BCAS3: variants seen among roughly 807,000 people sequenced by gnomAD.
BCAS3 encodes BCAS3 microtubule associated cell migration factor.
A neutral mutation model predicts 116.1 loss-of-function variants in BCAS3; 53 were observed. The observed-to-expected ratio is 0.46, with a 90% confidence interval of 0.37 to 0.57. The LOEUF (loss-of-function observed/expected upper bound fraction) is 0.57, where lower values mean the gene tolerates loss of function less well. Ranked by LOEUF, BCAS3 falls within the 20% of genes least tolerant of loss-of-function variation. The pLI is 0.00. For missense variants in BCAS3, 917 were observed against 1,165.4 expected (o/e 0.79, Z 3.10); for synonymous variants, 391 against 408.2 (o/e 0.96, Z 0.51).
intron 14 of BCAS3, among the ~76,000 whole-genome samples, chr17:60,977,185 T>C (rs1169319979): frequency 6.6e-6 from 1 of 152,132 alleles, no homozygotes; most frequent in Non-Finnish European, 1.5e-5. Context: ...TAAGCTTTTA[T>C]TTTTTAGAGA....
intron 5 of BCAS3, among the ~76,000 whole-genome samples, chr17:60,731,915 A>AT (rs1259865907): frequency 6.6e-6 from 1 of 151,104 alleles, no homozygotes; most frequent in East Asian, 2.0e-4. Context: ...AGTAGCTGGG[A>AT]TTATAGGTGC....
intron 14 of BCAS3, among the ~76,000 whole-genome samples, chr17:60,972,444 CT>C (rs150860541): frequency 0.011 from 1,225 of 114,070 alleles, 13 homozygotes; most frequent in African/African-American, 0.039. Context: ...CTCACTTGGC[CT>C]TTTTTTTTTT....
rs2080752236 is a variant in BCAS3 at position 61,200,447 on chromosome 17, A to G, written c.2425+115883A>G. Among the ~76,000 whole-genome samples, 1 of 152,180 alleles carries G rather than the reference A, an allele frequency of 6.6e-6. No individual in the cohort carries two copies. The highest frequency in any genetic ancestry group is 2.4e-5 in the African/African-American group (1 of 41,442). ...TGGTAAAGGAGAGATTATTATTCTT[A>G]TTTCATAATAAAGGAACCTGAGCTT... On this transcript the variant is annotated intron_variant, in intron 22 of 23. Coordinates refer to ENST00000407086, the MANE Select transcript of BCAS3 (RefSeq NM_017679.5). This position sits in a 1 kb window ranked among gnomAD's most constrained non-coding sequence, Gnocchi z 5.1.
intron 13 of BCAS3, among the ~76,000 whole-genome samples, chr17:60,944,686 C>T (rs1177808880): frequency 6.6e-6 from 1 of 151,998 alleles, no homozygotes; most frequent in Non-Finnish European, 1.5e-5. Context: ...CCAAACGAGG[C>T]TTATCCCAAG....
At chr17:61,039,426 T>C (rs1246736191) in intron 18 of BCAS3, among the ~76,000 whole-genome samples, 1 of 145,568 alleles carries the variant, frequency 6.9e-6, no homozygotes, top group Non-Finnish European at 1.5e-5. Context: ...TGTGTGAACA[T>C]TTTTTTTTTT....
At chr17:60,763,538 G>A (rs1255739227) in intron 6 of BCAS3, among the ~76,000 whole-genome samples, 1 of 152,144 alleles carries the variant, frequency 6.6e-6, no homozygotes, top group African/African-American at 2.4e-5. Flanking sequence ...GCATCCCAGG[G>A]ATGAAGCCAA....
At chr17:60,782,773 AGATGGGGCTTCACCATGTTGGCCAG>A (rs2045945228) in intron 6 of BCAS3, among the ~76,000 whole-genome samples, 1 of 151,814 alleles carries the variant, frequency 6.6e-6, no homozygotes. Context: ...TTTTTAGTAG[AGATGGGGCTTCACCATGTTGGCCAG>A]GATGGTCTTG....
chr17:61,184,177 A>G (rs191527730), intron 22 of BCAS3, among the ~76,000 whole-genome samples: 2 of 152,182 alleles, frequency 1.3e-5, no homozygotes, highest in Non-Finnish European at 2.9e-5. Context: ...AGAAAATTTC[A>G]GTATTCACTA....
rs2081058494 is a variant in BCAS3, at chr17:61,205,303, C to T, written c.2425+120739C>T. On this transcript the variant is annotated intron_variant, in intron 22 of 23. Transcript: ENST00000407086. This position sits in a 1 kb window ranked among gnomAD's most constrained non-coding sequence, Gnocchi z 5.2. ...ATGTTTTAGGAAGGAAAACTGGTTA[C>T]ATTTCAGCATATACAGCTGGACTTC... 6.6e-6 allele frequency among the ~76,000 whole-genome samples: 1 copy of T among 152,198 alleles called. No homozygotes were observed. Among genetic ancestry groups the T allele is most frequent in the Non-Finnish European group, 1.5e-5 (1 of 68,040 alleles).
rs2073240388 is a variant in BCAS3 at position 61,088,193 on chromosome 17, A to G, written c.2425+3629A>G. On this transcript the variant is annotated intron_variant, in intron 22 of 23. Coordinates refer to ENST00000407086, the MANE Select transcript of BCAS3 (RefSeq NM_017679.5). This position sits in a 1 kb window ranked among gnomAD's most constrained non-coding sequence, Gnocchi z 4.2. ...CAAGGCTCTGTCTCAAAAAGACAAA[A>G]CAAAACGAAACAAAACAAAAACCAT... Among the ~76,000 whole-genome samples the G allele has an allele frequency of 6.6e-6, 1 of 152,190 alleles. No individual in the cohort carries two copies. The highest frequency in any genetic ancestry group is 1.5e-5 in the Non-Finnish European group (1 of 68,036).
At chr17:61,206,248 C>T (rs1410522066) in intron 22 of BCAS3, among the ~76,000 whole-genome samples, 1 of 152,150 alleles carries the variant, frequency 6.6e-6, no homozygotes, top group Non-Finnish European at 1.5e-5. Flanking sequence ...CCTAATTAAA[C>T]ACAGTGGAAC....
chr17:60,996,474 A>G (rs1313394795), intron 15 of BCAS3, among the ~76,000 whole-genome samples: 1 of 152,196 alleles, frequency 6.6e-6, no homozygotes, highest in Non-Finnish European at 1.5e-5. Flanking sequence ...TTTTAACCTA[A>G]ACATCTAGAA....
At chr17:61,268,890 C>T (rs775045107) in intron 22 of BCAS3, among the ~76,000 whole-genome samples, 5 of 151,966 alleles carry the variant, frequency 3.3e-5, no homozygotes, top group African/African-American at 4.8e-5. Flanking sequence ...GCTTATTTCA[C>T]CTAGCATGAT....
At chr17:60,722,548 G>A (rs149052568) in intron 5 of BCAS3, among the ~76,000 whole-genome samples, 7,180 of 151,642 alleles carry the variant, frequency 0.047, 283 homozygotes, top group African/African-American at 0.11. Flanking sequence ...AGATCACGAC[G>A]TCAAGAGATC....
intron 7 of BCAS3, among the ~76,000 whole-genome samples, chr17:60,864,707 A>T (rs774307654): frequency 1.3e-5 from 2 of 152,188 alleles, no homozygotes; most frequent in Non-Finnish European, 2.9e-5. Flanking sequence ...GATGTGGTGT[A>T]AGAGGTCTGG....
rs182467863 is a variant in BCAS3, at chr17:61,279,720, G to A, written c.2426-88607G>A. ...GACCACAAACCATGTTTAAAATAGT[G>A]GGCTAAGCCACTGGGCCTCCATGGT... On this transcript the variant is annotated intron_variant, in intron 22 of 23. Coordinates refer to ENST00000407086, the MANE Select transcript of BCAS3 (RefSeq NM_017679.5). This position sits in a 1 kb window ranked among gnomAD's most constrained non-coding sequence, Gnocchi z 4.4. 6.6e-6 allele frequency among the ~76,000 whole-genome samples: 1 copy of A among 151,686 alleles called. No individual in the cohort carries two copies. The highest frequency in any genetic ancestry group is 6.6e-5 in the Admixed American group (1 of 15,240).
At chr17:60,706,223 C>T (rs776755847) in intron 4 of BCAS3, among the ~76,000 whole-genome samples, 11 of 152,052 alleles carry the variant, frequency 7.2e-5, no homozygotes, top group South Asian at 2.1e-4. Flanking sequence ...CCACCACGCC[C>T]GGCTAATTTT....
At chr17:60,695,015 T>G (rs774852847) in intron 4 of BCAS3, among the ~76,000 whole-genome samples, 1 of 152,138 alleles carries the variant, frequency 6.6e-6, no homozygotes, top group Non-Finnish European at 1.5e-5. Flanking sequence ...TGATTACCTA[T>G]TTCACTTAAC....
intron 19 of BCAS3, among the ~76,000 whole-genome samples, chr17:61,046,101 A>AT (rs2068316859): frequency 1.6e-5 from 1 of 61,200 alleles, no homozygotes; most frequent in Non-Finnish European, 3.0e-5. Context: ...TATATAATAT[A>AT]TATATATATA....
Sources: gnomAD v4.1 joint callset for allele counts (sites outside exome capture counted in the v4.1 genomes callset) on GRCh38, gnomAD v4.1.1 for gene constraint, Gnocchi (gnomAD v3.1) non-coding constraint, MANE v1.5 for transcripts, NCBI Gene and HGNC (gene_info 2026-07-23, HGNC 2026-07-21) for gene names.